Variants in TOP3B observed in about 807,000 individuals in gnomAD.
The protein encoded by TOP3B is DNA topoisomerase 3-beta-1.
TOP3B carries 45 observed loss-of-function variants against 93.9 expected under a neutral mutation model. The observed-to-expected ratio is 0.48, with a 90% CI of 0.38 to 0.61. The LOEUF is 0.61. TOP3B is among the 20% of genes least tolerant of loss of function. TOP3B has a pLI of 0.00. For synonymous variants in TOP3B, 357 were observed against 472.6 expected (o/e 0.76, Z 3.17); for missense variants, 750 against 1,156.1 (o/e 0.65, Z 5.09).
Position 21,972,731 on chromosome 22 carries a change from C to A in TOP3B, c.203-13G>T. On this transcript the variant is annotated splice_polypyrimidine_tract_variant and intron_variant, in intron 3 of 17. Coordinates refer to ENST00000357179, the MANE Select transcript of TOP3B (RefSeq NM_001282112.2). ...TTGTTGTATTTTCCTACAAACCAGT[C>A]ACAGTGACATTGAGTCACAGGAGCT... 6.2e-7 allele frequency: 1 copy of A among 1,608,244 alleles called. No homozygotes were observed. The highest frequency in any genetic ancestry group is 1.1e-5 in the South Asian group (1 of 90,910).
At position 21,962,944 on chromosome 22, in the gene TOP3B, G is replaced by A. The variant is rs763687589; in HGVS notation, c.1205-51C>T. The A allele has an allele frequency of 5.3e-5, 84 of 1,598,862 alleles. No homozygotes were observed. In the East Asian group the frequency reaches 6.7e-4, roughly 13 times the overall value. ...TGGGAGCCAGCTGGGGGCTCTGGCCGTGAGGAGCCCCCAGTACTCTCGCTC... is the reference window on the plus strand; with the variant it reads ...TGGGAGCCAGCTGGGGGCTCTGGCCATGAGGAGCCCCCAGTACTCTCGCTC... On this transcript the variant is annotated intron_variant, in intron 11 of 17. Coordinates refer to ENST00000357179, the MANE Select transcript of TOP3B (RefSeq NM_001282112.2).
chr22:21,972,211 A>G lies in TOP3B; in HGVS notation c.310-260T>C. On this transcript the variant is annotated intron_variant, in intron 4 of 17. Transcript: ENST00000357179. The stretch of plus-strand genomic sequence containing the variant: ...ATCTTATACCCCAAAACTGCCCAGA[A>G]GAAGGGTTAAAATGAAATAACCCTA... 6.0e-6 allele frequency: 3 copies of G among 502,856 alleles called. No individual in the cohort carries two copies. In the South Asian group the frequency reaches 9.5e-5, roughly 16 times the overall value. 31.1% of individuals were successfully genotyped at this position (502,856 alleles called of 1,614,324 possible).
At chr22:21,962,649 G>A (rs773601536) in intron 12 of TOP3B, 47 bp from the exon 13 acceptor site, 30 of 1,605,066 alleles carry the variant, frequency 1.9e-5, no homozygotes, top group Non-Finnish European at 2.6e-5. Flanking sequence ...CTGGGTGGCC[G>A]GGGCCTCAGA....
Position 21,960,382 on chromosome 22 carries a change from G to A in TOP3B, c.1593C>T (p.Ser531=), listed in dbSNP as rs115039918. The change falls in exon 14 of 18, where the codon AGC becomes AGT. Residue 531 remains serine (S), a synonymous_variant. Transcript: ENST00000357179. ...ICQRNYVTVE[S]GRRLKPTNLG... ...GGTTGGTGGGCTTGAGCCGGCGCCC[G>A]CTCTCCACCGTGACATAGTTGCGCT... 2.8e-4 allele frequency: 456 copies of A among 1,613,664 alleles called. 3 individuals carry two copies. In the African/African-American group the frequency reaches 5.1e-3, roughly 18 times the overall value.
chr22:21,963,957 G>A lies in TOP3B; in HGVS notation c.1170C>T (p.Ile390=). ...KGHDAGDHPP[I]TPMKSATEAE... The stretch of plus-strand genomic sequence containing the variant: ...CCTCTGTGGCAGACTTCATGGGGGT[G>A]ATGGGGGGATGGTCGCCGGCGTCAT... Residue 390 remains isoleucine (I), a synonymous_variant, in exon 11 of 18, where the codon ATC becomes ATT. Transcript: ENST00000357179. This position sits in a 1 kb window ranked among gnomAD's most constrained non-coding sequence, Gnocchi z 4.8. The A allele has an allele frequency of 6.2e-7, 1 of 1,613,486 alleles. No homozygotes were observed. Among genetic ancestry groups the A allele is most frequent in the South Asian group, 1.1e-5 (1 of 91,048 alleles).
intron 1 of TOP3B, among the ~76,000 whole-genome samples, chr22:21,981,325 T>G (rs1601878481): frequency 6.6e-6 from 1 of 152,162 alleles, no homozygotes; most frequent in Non-Finnish European, 1.5e-5. Flanking sequence ...CTGGACTTGG[T>G]TGTTCTAGAA....
intron 13 of TOP3B, 78 bp from the exon 14 acceptor site, chr22:21,960,527 C>T (rs976203316): frequency 5.0e-5 from 79 of 1,585,046 alleles, no homozygotes; most frequent in Middle Eastern, 3.5e-4. Flanking sequence ...TCACCTGTCA[C>T]GGGGCCCCTG....
At chr22:21,974,611 C>T (rs777506317) in intron 2 of TOP3B, 123 bp from the exon 3 acceptor site, 78 of 1,119,882 alleles carry the variant, frequency 7.0e-5, no homozygotes, top group Non-Finnish European at 8.9e-5. Flanking sequence ...TGGTGAGTGA[C>T]GACATTCCGC....
chr22:21,962,255 G>A, intron 13 of TOP3B, 174 bp downstream of exon 13: 2 of 1,565,626 alleles, frequency 1.3e-6, no homozygotes, highest in Non-Finnish European at 1.7e-6. Flanking sequence ...AGGAGGGGAT[G>A]CCCGCTGTGG....
intron 4 of TOP3B, 33 bp downstream of exon 4, chr22:21,972,579 C>A (rs760024372): frequency 6.6e-7 from 1 of 1,512,796 alleles, no homozygotes; most frequent in Non-Finnish European, 9.1e-7. Context: ...TGGGGAGCCC[C>A]GGTGTGCTCA....
intron 1 of TOP3B, chr22:21,977,532 C>CAAAAAAAAAAAAAAAAAAA (rs562870639): frequency 1.3e-5 from 1 of 77,052 alleles, no homozygotes; most frequent in Non-Finnish European, 2.6e-5. Context: ...CCATCTCAAA[C>CAAAAAAAAAAAAAAAAAAA]AAAAAAAAAA....
intron 2 of TOP3B, 173 bp from the exon 3 acceptor site, chr22:21,974,661 C>T (rs572505639): frequency 3.8e-5 from 25 of 657,584 alleles, no homozygotes; most frequent in Middle Eastern, 4.4e-4. Context: ...GGTGGGACGG[C>T]GCTCAGGGAA....
At position 21,959,222 on chromosome 22, in the gene TOP3B, C is replaced by T. The variant is rs746101236; in HGVS notation, c.1815G>A (p.Glu605=). ...YFVDSIAGMD[E]LMEVSFSPLA... ...GGGGCGAGAAAGACACCTCCATCAA[C>T]TCATCCATGCCTGCGGGCAAGCAGA... Residue 605 remains glutamate, a synonymous_variant, in exon 16 of 18, where the codon GAG becomes GAA. Coordinates refer to ENST00000357179, the MANE Select transcript of TOP3B (RefSeq NM_001282112.2). The T allele has an allele frequency of 1.9e-6, 3 of 1,612,810 alleles. No individual in the cohort carries two copies. Among genetic ancestry groups the T allele is most frequent in the East Asian group, 4.5e-5 (2 of 44,894 alleles).
intron 1 of TOP3B, among the ~76,000 whole-genome samples, chr22:21,981,448 C>G (rs576026142): frequency 2.6e-4 from 39 of 152,338 alleles, no homozygotes; most frequent in African/African-American, 8.9e-4. Context: ...CTTCCATCTA[C>G]TTATTCAGCT....
chr22:21,978,869 G>A (rs930945693), intron 1 of TOP3B, among the ~76,000 whole-genome samples: 2 of 152,186 alleles, frequency 1.3e-5, no homozygotes, highest in Non-Finnish European at 2.9e-5. Flanking sequence ...GTGCCAGCAT[G>A]TTCTCCGCTG....
Position 21,962,806 on chromosome 22 carries a change from A to C in TOP3B, c.1292T>G (p.Ile431Ser), listed in dbSNP as rs769303168. 3 of 1,613,960 alleles carry C rather than the reference A, an allele frequency of 1.9e-6. No homozygotes were observed. The highest frequency in any genetic ancestry group is 2.5e-6 in the Non-Finnish European group (3 of 1,179,970). ...GAGCTCGGGCCCAATTCTGAAGGAG[A>C]TGGTGCTCTGCAGGTACTTGCAGTC... Reference protein sequence around the residue: ...SHDCKYLQSTISFRIGPELFT... With the variant: ...SHDCKYLQSTSSFRIGPELFT... The change falls in exon 12 of 18, where the codon ATC becomes AGC. Residue 431 changes from isoleucine (I) to serine (S), a missense_variant. By Grantham distance (142) the Ile-to-Ser change is moderately radical (BLOSUM62 -2). Around this residue, in one of 4 missense-constraint regions of TOP3B, gnomAD observed 737 missense variants for 933.7 expected, o/e 0.79. Coordinates refer to ENST00000357179, the MANE Select transcript of TOP3B (RefSeq NM_001282112.2).
intron 17 of TOP3B, chr22:21,958,285 C>T (rs1290662874): frequency 1.9e-5 from 27 of 1,417,662 alleles, no homozygotes; most frequent in Non-Finnish European, 2.1e-5. Context: ...GTTGCCTGCT[C>T]GATTCTGACA....
In TOP3B at chr22:21,979,890, G is replaced by A. The variant is rs966301009; in HGVS notation, c.-99+2840C>T. On this transcript the variant is annotated intron_variant, in intron 1 of 17. Coordinates refer to ENST00000357179, the MANE Select transcript of TOP3B (RefSeq NM_001282112.2). ...CGGGAAGCGGAGCTTGCAGTGAGCC[G>A]AGATTGCGCCACTGCACTCCAGCCT... is the stretch of plus-strand genomic sequence containing the variant. Among the ~76,000 whole-genome samples the A allele has an allele frequency of 2.2e-3, 307 of 139,118 alleles. 3 individuals carry two copies. Among genetic ancestry groups the A allele is most frequent in the African/African-American group, 7.9e-3 (296 of 37,656 alleles). The allele number at this position is 139,118 out of a possible 152,430, so 91.3% of individuals were successfully genotyped here. A position where few individuals can be genotyped will look rare whatever the true frequency, so the allele number is the denominator to read the frequency against.
chr22:21,967,846 C>CAGCT (rs1322204072), intron 7 of TOP3B, 130 bp from the exon 8 acceptor site: 2 of 677,656 alleles, frequency 3.0e-6, no homozygotes, highest in Admixed American at 4.8e-5. Flanking sequence ...TAATGGCTCA[C>CAGCT]AGCTGTACCT....
Sources: gnomAD v4.1 joint callset for allele counts (sites outside exome capture counted in the v4.1 genomes callset) on GRCh38, gnomAD v4.1.1 for gene constraint, gnomAD v4.1.1 regional missense constraint, Gnocchi (gnomAD v3.1) non-coding constraint, MANE v1.5 for transcripts, NCBI Gene and HGNC (gene_info 2026-07-23, HGNC 2026-07-21) for gene names.